OR52N4: variants seen among roughly 807,000 people sequenced by gnomAD.
OR52N4 encodes the protein olfactory receptor 52N4.
OR52N4 carries 15 observed loss-of-function variants against 15.0 expected under a neutral mutation model. The ratio of observed to expected loss-of-function variants is 1.00; its 90% confidence interval spans 0.67 to 1.54. The LOEUF (loss-of-function observed/expected upper bound fraction) is 1.54. Ranked by LOEUF, OR52N4 falls within the 40% of genes most tolerant of loss-of-function variation. The probability of loss-of-function intolerance (pLI) is 0.00; values close to 1 mark genes in which losing one functional copy is unlikely to be tolerated. For synonymous variants in OR52N4, 143 were observed against 143.7 expected (o/e 1.00, Z 0.03); for missense variants, 421 against 394.0 (o/e 1.07, Z -0.58).
rs1439517114 is a variant in OR52N4 at position 5,755,255 on chromosome 11, G to C, written c.515G>C (p.Arg172Thr). 2 of 1,614,008 alleles carry C rather than the reference G, an allele frequency of 1.2e-6. No homozygotes were observed. Among genetic ancestry groups the C allele is most frequent in the African/African-American group, 2.7e-5 (2 of 75,032 alleles). ...CTCACCAAGCTCCTGCCCTACTGCA[G>C]AGGCAATATACTTCCCCATACCTAC... ...TFLTKLLPYC[R>T]GNILPHTYCD... Residue 172 changes from arginine to threonine, a missense_variant, in exon 2 of 2, where the codon AGA (arginine) becomes ACA (threonine). Coordinates refer to ENST00000641350, the MANE Select transcript of OR52N4 (RefSeq NM_001005175.5).
the OR52N4 span, among the ~76,000 whole-genome samples, chr11:5,743,417 AAGAAC>A: frequency 5.3e-5 from 8 of 152,312 alleles, no homozygotes; most frequent in Non-Finnish European, 8.8e-5. Flanking sequence ...CATTCTGCCC[AAGAAC>A]CACAGAACAT....
the OR52N4 span, among the ~76,000 whole-genome samples, chr11:5,735,478 C>T: frequency 6.4e-3 from 966 of 151,884 alleles, 14 homozygotes; most frequent in African/African-American, 0.022. Flanking sequence ...TCTGAAAGAT[C>T]AGATTGCTAG....
chr11:5,728,718 A>G, the OR52N4 span, among the ~76,000 whole-genome samples: 5,833 of 152,306 alleles, frequency 0.038, 345 homozygotes, highest in African/African-American at 0.13. Flanking sequence ...TGTCAGGAAT[A>G]TAAGTGTTTT....
chr11:5,737,647 C>T, the OR52N4 span: 2 of 629,388 alleles, frequency 3.2e-6, no homozygotes, highest in Non-Finnish European at 5.0e-6. Flanking sequence ...CAAAAAATCA[C>T]AGTAGCCTAA....
the OR52N4 span, chr11:5,726,626 G>T: frequency 6.6e-6 from 1 of 152,252 alleles, no homozygotes; most frequent in Non-Finnish European, 1.5e-5. Context: ...AGCCACAATT[G>T]TGGGCAATAT....
the OR52N4 span, among the ~76,000 whole-genome samples, chr11:5,748,696 T>A: frequency 3.3e-5 from 5 of 151,968 alleles, no homozygotes; most frequent in African/African-American, 7.2e-5. Context: ...TATAAAAAAA[T>A]TTTAAAAATG....
At chr11:5,753,172 T>A (rs536016723), upstream of OR52N4, among the ~76,000 whole-genome samples, 19 of 152,266 alleles carry the variant, frequency 1.2e-4, no homozygotes, top group East Asian at 3.7e-3. Context: ...ATGGTGGTCA[T>A]GTGTATGTTT....
upstream of OR52N4, among the ~76,000 whole-genome samples, chr11:5,750,918 T>C (rs76333983): frequency 0.016 from 2,420 of 152,168 alleles, 54 homozygotes; most frequent in African/African-American, 0.055. Context: ...TAAGCTGCTA[T>C]GTAATGTAAG....
At chr11:5,745,433 C>G in the OR52N4 span, among the ~76,000 whole-genome samples, 8,653 of 152,094 alleles carry the variant, frequency 0.057, 322 homozygotes, top group East Asian at 0.2. Flanking sequence ...ATCAAGAACT[C>G]AATTTCATTA....
At chr11:5,735,322 T>C in the OR52N4 span, among the ~76,000 whole-genome samples, 2 of 152,052 alleles carry the variant, frequency 1.3e-5, no homozygotes, top group African/African-American at 4.8e-5. Flanking sequence ...GTTTGAGTCA[T>C]ATCTGAGAGT....
At chr11:5,747,301 T>C in the OR52N4 span, among the ~76,000 whole-genome samples, 6 of 151,436 alleles carry the variant, frequency 4.0e-5, no homozygotes, top group Admixed American at 4.0e-4. Context: ...AGACCTCCTA[T>C]CTAAAAAAAT....
the OR52N4 span, among the ~76,000 whole-genome samples, chr11:5,745,831 T>G: frequency 6.6e-6 from 1 of 152,024 alleles, no homozygotes; most frequent in African/African-American, 2.4e-5. Context: ...TGGTATCAGG[T>G]AACATCACAT....
At chr11:5,735,840 G>A in the OR52N4 span, among the ~76,000 whole-genome samples, 1 of 152,118 alleles carries the variant, frequency 6.6e-6, no homozygotes, top group Non-Finnish European at 1.5e-5. Context: ...GGTTTTAGTT[G>A]TACAAGATGA....
chr11:5,749,361 G>C (rs532532534), upstream of OR52N4, among the ~76,000 whole-genome samples: 1 of 151,986 alleles, frequency 6.6e-6, no homozygotes, highest in Non-Finnish European at 1.5e-5. Context: ...TAGTTGGAAG[G>C]AAGAAGCATT....
rs750127949 is a variant in OR52N4, at chr11:5,755,660, TA to T, written c.922del (p.Arg308GlyfsTer16). ...ACCAAACAGATACGAGACTGTGTCA[TA>T]AGGATCCTTTCAGGTTCTAAGGATA... is the stretch of plus-strand genomic sequence containing the variant. ...VKTKQIRDCVIRILSGSKDTK... is the reference protein window; with the variant it reads ...VKTKQIRDCVXRILSGSKDTK... On this transcript the variant is annotated frameshift_variant, in exon 2 of 2. Coordinates refer to ENST00000641350, the MANE Select transcript of OR52N4 (RefSeq NM_001005175.5). LOFTEE classifies it high-confidence loss of function. The T allele has an allele frequency of 1.2e-6, 2 of 1,613,734 alleles. No individual in the cohort carries two copies. The highest frequency in any genetic ancestry group is 1.7e-5 in the Admixed American group (1 of 59,976).
At chr11:5,729,285 A>G in the OR52N4 span, among the ~76,000 whole-genome samples, 1 of 151,320 alleles carries the variant, frequency 6.6e-6, no homozygotes, top group Admixed American at 6.6e-5. Context: ...ACACCCGGCT[A>G]ATTTTTTGTA....
upstream of OR52N4, chr11:5,754,176 A>T (rs975863378): frequency 6.6e-6 from 1 of 152,066 alleles, no homozygotes; most frequent in African/African-American, 2.4e-5. Context: ...CCCAAGCTTC[A>T]TTGAGTAATA....
the OR52N4 span, among the ~76,000 whole-genome samples, chr11:5,738,882 G>T: frequency 1.5e-5 from 2 of 130,870 alleles, 1 homozygote; most frequent in Non-Finnish European, 3.4e-5. Flanking sequence ...TCAGATTAAT[G>T]CCATTAAATA....
At chr11:5,752,433 T>C (rs61875860), upstream of OR52N4, among the ~76,000 whole-genome samples, 26,266 of 152,136 alleles carry the variant, frequency 0.17, 2,418 homozygotes, top group East Asian at 0.25. Context: ...ATTTTATTAA[T>C]GGAGGTTAGG....
Sources: gnomAD v4.1 joint callset for allele counts (sites outside exome capture counted in the v4.1 genomes callset) on GRCh38, gnomAD v4.1.1 for gene constraint, MANE v1.5 for transcripts, NCBI Gene and HGNC (gene_info 2026-07-23, HGNC 2026-07-21) for gene names.